The following ROCK2 variants were observed in gnomAD, a reference collection of about 807,000 sequenced individuals.
The protein encoded by ROCK2 is rho-associated protein kinase 2.
Under a neutral mutation model 195.1 loss-of-function variants are expected in ROCK2, and 61 were observed. That is an observed-to-expected ratio of 0.31 (90% CI 0.25 to 0.39). The LOEUF (loss-of-function observed/expected upper bound fraction) is 0.39, where lower values mean the gene tolerates loss of function less well. Among genes scored for constraint, ROCK2 ranks in the 10% least tolerant of loss-of-function variants. The pLI, the probability that ROCK2 is intolerant of heterozygous loss-of-function variation, is 1.00. For synonymous variants in ROCK2, 504 were observed against 545.5 expected, an observed-to-expected ratio of 0.92 and a Z score of 1.06; for missense variants, 1,109 against 1,637.4, an observed-to-expected ratio of 0.68 and a Z score of 5.57.
intron 12 of ROCK2, 80 bp downstream of exon 12, chr2:11,217,010 C>T: frequency 1.4e-6 from 1 of 728,150 alleles, no homozygotes; most frequent in Non-Finnish European, 2.3e-6. Flanking sequence ...GTGTGAGCCA[C>T]CACACCTGGC....
At chr2:11,343,649 T>C (rs1201875756) in intron 1 of ROCK2, among the ~76,000 whole-genome samples, 1 of 152,134 alleles carries the variant, frequency 6.6e-6, no homozygotes, top group Non-Finnish European at 1.5e-5. Flanking sequence ...CATGACACTT[T>C]CAAATCAGCT....
At chr2:11,330,921 G>T (rs1240296702) in intron 1 of ROCK2, among the ~76,000 whole-genome samples, 1 of 11,488 alleles carries the variant, frequency 8.7e-5, no homozygotes. Flanking sequence ...GAGGAGGGAG[G>T]AGGAGAGGAG....
chr2:11,215,683 T>TTTTTTTG, intron 13 of ROCK2, 38 bp from the exon 14 acceptor site: 1 of 1,530,390 alleles, frequency 6.5e-7, no homozygotes, highest in East Asian at 2.3e-5. Context: ...AAAAAGTATG[T>TTTTTTTG]ATAAAAATGA....
At chr2:11,218,532 T>G in intron 10 of ROCK2, 66 bp from the exon 11 acceptor site, 3 of 1,168,182 alleles carry the variant, frequency 2.6e-6, no homozygotes, top group Non-Finnish European at 3.6e-6. Context: ...GTAAAATTCC[T>G]AAAACACAAA....
intron 1 of ROCK2, among the ~76,000 whole-genome samples, chr2:11,294,975 G>C (rs550144379): frequency 2.4e-4 from 36 of 152,020 alleles, no homozygotes; most frequent in Non-Finnish European, 4.4e-4. Flanking sequence ...TTTTAGTAGA[G>C]ACGGGGTTTC....
chr2:11,191,482 T>C (rs1281810701), intron 32 of ROCK2, among the ~76,000 whole-genome samples: 1 of 152,208 alleles, frequency 6.6e-6, no homozygotes, highest in African/African-American at 2.4e-5. Context: ...CAAGTTACTG[T>C]TTTAAATTTA....
rs186475432 is a variant in ROCK2, at chr2:11,188,680, G to C, written c.4163+3468C>G. 2.8e-3 allele frequency among the ~76,000 whole-genome samples: 427 copies of C among 151,468 alleles called. 1 individual carries two copies. Among genetic ancestry groups the C allele is most frequent in the African/African-American group, 9.1e-3 (377 of 41,332 alleles). The stretch of plus-strand genomic sequence containing the variant: ...TCACTGTCGCCCAGGCTGGAGTGCA[G>C]TGGCGTGATCTCGGCTCACTACAAG... On this transcript the variant is annotated intron_variant, in intron 32 of 32. Coordinates refer to ENST00000315872, the MANE Select transcript of ROCK2 (RefSeq NM_004850.5).
chr2:11,263,749 G>GT (rs1317379975), intron 3 of ROCK2, among the ~76,000 whole-genome samples: 228 of 143,188 alleles, frequency 1.6e-3, no homozygotes, highest in Admixed American at 1.5e-3. Flanking sequence ...AAGGGTTAAA[G>GT]TTTTTTTTTT....
chr2:11,334,948 CA>C (rs932903095), intron 1 of ROCK2, among the ~76,000 whole-genome samples: 10 of 138,602 alleles, frequency 7.2e-5, no homozygotes, highest in African/African-American at 1.2e-4. Flanking sequence ...TCACCTATGA[CA>C]AAAAAAAATT....
intron 20 of ROCK2, among the ~76,000 whole-genome samples, 196 bp from the exon 21 acceptor site, chr2:11,202,317 C>T (rs1171758047): frequency 2.6e-5 from 4 of 151,956 alleles, no homozygotes; most frequent in East Asian, 3.9e-4. Flanking sequence ...ACCGTATGTA[C>T]TTTTCCTGAG....
intron 3 of ROCK2, among the ~76,000 whole-genome samples, chr2:11,257,924 A>C (rs540944755): frequency 6.6e-6 from 1 of 151,666 alleles, no homozygotes; most frequent in East Asian, 1.9e-4. Flanking sequence ...GTGATTTCTG[A>C]CACCAGGTTT....
Position 11,258,970 on chromosome 2 carries a change from G to A in ROCK2, c.325-9172C>T, listed in dbSNP as rs565624569. ...AGTATGAAGAGTCAAATATAGGAAA[G>A]GCAAGGGTGACAGACTGGAGGAAAT... On this transcript the variant is annotated intron_variant, in intron 3 of 32. Coordinates refer to ENST00000315872, the MANE Select transcript of ROCK2 (RefSeq NM_004850.5). Among the ~76,000 whole-genome samples the A allele has an allele frequency of 1.2e-3, 178 of 151,372 alleles. 9 individuals carry two copies. Among genetic ancestry groups the A allele is most frequent in the African/African-American group, 4.1e-3 (166 of 40,678 alleles).
chr2:11,271,172 G>T (rs1303391613), intron 3 of ROCK2, among the ~76,000 whole-genome samples: 1 of 152,142 alleles, frequency 6.6e-6, no homozygotes, highest in Admixed American at 6.5e-5. Flanking sequence ...ACATCTGGAG[G>T]GCAGGCCTTG....
intron 1 of ROCK2, among the ~76,000 whole-genome samples, chr2:11,302,774 T>C (rs1468739492): frequency 2.6e-5 from 4 of 152,248 alleles, no homozygotes; most frequent in East Asian, 1.9e-4. Context: ...ATTGATTACA[T>C]GTTAAAATAA....
chr2:11,288,891 G>A (rs562842962), intron 1 of ROCK2, among the ~76,000 whole-genome samples: 1 of 152,166 alleles, frequency 6.6e-6, no homozygotes, highest in Admixed American at 6.5e-5. Context: ...GGGCAACACA[G>A]TGACACCCTG....
chr2:11,219,618 A>G (rs529420053), intron 9 of ROCK2, among the ~76,000 whole-genome samples: 39 of 152,162 alleles, frequency 2.6e-4, no homozygotes, highest in African/African-American at 8.9e-4. Flanking sequence ...AAATGAAACT[A>G]TACTTCCCAC....
chr2:11,302,116 G>A (rs1204030806), intron 1 of ROCK2, among the ~76,000 whole-genome samples: 1 of 152,130 alleles, frequency 6.6e-6, no homozygotes, highest in Admixed American at 6.5e-5. Flanking sequence ...AGCAACTATG[G>A]TTTAAAAGAA....
intron 32 of ROCK2, among the ~76,000 whole-genome samples, chr2:11,189,144 A>T (rs1012600780): frequency 6.6e-6 from 1 of 152,204 alleles, no homozygotes; most frequent in Non-Finnish European, 1.5e-5. Flanking sequence ...GTGAACATTT[A>T]TGGGTTCACT....
chr2:11,217,416 T>C, intron 11 of ROCK2: 1 of 544,426 alleles, frequency 1.8e-6, no homozygotes, highest in Non-Finnish European at 3.4e-6. Context: ...TAAGAAGCTC[T>C]AACTTTGGCA....
Sources: allele counts gnomAD v4.1 joint callset (sites outside exome capture counted in the v4.1 genomes callset), GRCh38; gene constraint gnomAD v4.1.1; transcripts MANE v1.5; gene names NCBI Gene and HGNC (gene_info 2026-07-23, HGNC 2026-07-21).